SPOCK1: variants seen among roughly 807,000 people sequenced by gnomAD.
SPOCK1 encodes SPARC (osteonectin), cwcv and kazal like domains proteoglycan 1, also known as testican-1.
In SPOCK1, 23 loss-of-function variants were observed where a neutral mutation model predicts 55.3. The observed-to-expected ratio is 0.42, with a 90% CI of 0.30 to 0.59. The LOEUF (loss-of-function observed/expected upper bound fraction) is 0.59, where lower values mean the gene tolerates loss of function less well. Ranked by LOEUF, SPOCK1 falls within the 20% of genes least tolerant of loss-of-function variation. SPOCK1 has a pLI of 0.22. For synonymous variants in SPOCK1, 226 were observed against 221.0 expected (o/e 1.02, Z -0.20); for missense variants, 499 against 552.5 (o/e 0.90, Z 0.97).
chr5:137,222,932 C>T (rs1325598500), intron 3 of SPOCK1, among the ~76,000 whole-genome samples: 1 of 151,676 alleles, frequency 6.6e-6, no homozygotes, highest in Admixed American at 6.6e-5. Context: ...ATATTGGTGG[C>T]TTTAAATTTC....
chr5:137,107,816 C>T (rs371852831), intron 5 of SPOCK1, among the ~76,000 whole-genome samples: 10 of 152,262 alleles, frequency 6.6e-5, no homozygotes, highest in Middle Eastern at 3.4e-3. Flanking sequence ...CTTCCAGCTG[C>T]CCCGGTGATG....
intron 2 of SPOCK1, among the ~76,000 whole-genome samples, chr5:137,389,199 G>A (rs1751660542): frequency 6.6e-6 from 1 of 152,154 alleles, no homozygotes. Context: ...CACAAGCTCT[G>A]GTGTTGCACA....
intron 2 of SPOCK1, among the ~76,000 whole-genome samples, chr5:137,284,656 T>C (rs2127127189): frequency 6.6e-6 from 1 of 152,256 alleles, no homozygotes; most frequent in Admixed American, 6.5e-5. Flanking sequence ...AAAATACATG[T>C]TTAATTACAA....
At chr5:137,129,946 AG>A (rs34195570) in intron 4 of SPOCK1, among the ~76,000 whole-genome samples, 7 of 152,168 alleles carry the variant, frequency 4.6e-5, no homozygotes, top group African/African-American at 7.2e-5. Context: ...TCCCTGAGCA[AG>A]GAAAGGGATC....
chr5:137,176,517 TG>T (rs1754854895), intron 3 of SPOCK1, among the ~76,000 whole-genome samples: 2 of 152,010 alleles, frequency 1.3e-5, no homozygotes, highest in African/African-American at 4.8e-5. Flanking sequence ...TGTGTGTGTG[TG>T]TGTGTGTGTG....
intron 3 of SPOCK1, among the ~76,000 whole-genome samples, chr5:137,163,356 G>A (rs1233454137): frequency 1.3e-5 from 2 of 152,144 alleles, no homozygotes; most frequent in African/African-American, 4.8e-5. Context: ...AGAAGTCTAA[G>A]ATACATCTGG....
chr5:137,315,364 C>T (rs975241991), intron 2 of SPOCK1, among the ~76,000 whole-genome samples: 10 of 152,272 alleles, frequency 6.6e-5, no homozygotes, highest in Middle Eastern at 3.4e-3. Context: ...CTCTGAACCA[C>T]GTATGGCGAT....
intron 4 of SPOCK1, among the ~76,000 whole-genome samples, chr5:137,116,537 T>G (rs934319271): frequency 6.6e-6 from 1 of 151,986 alleles, no homozygotes; most frequent in African/African-American, 2.4e-5. Context: ...TCCCAGCTAC[T>G]TGGGAGGCTG....
intron 7 of SPOCK1, among the ~76,000 whole-genome samples, chr5:136,989,356 G>A (rs891986118): frequency 4.6e-5 from 7 of 152,124 alleles, no homozygotes; most frequent in Non-Finnish European, 7.4e-5. Context: ...CTCAACACTC[G>A]GGATATTGAG....
chr5:137,102,130 T>C (rs1415295388), intron 5 of SPOCK1, among the ~76,000 whole-genome samples: 1 of 152,138 alleles, frequency 6.6e-6, no homozygotes, highest in Non-Finnish European at 1.5e-5. Context: ...GTATAAACTC[T>C]TTTCCTCCCA....
intron 3 of SPOCK1, among the ~76,000 whole-genome samples, chr5:137,168,535 T>C (rs564008418): frequency 4.6e-5 from 7 of 152,062 alleles, no homozygotes; most frequent in South Asian, 2.1e-4. Flanking sequence ...GATTGAAAAA[T>C]AGGCAAAAGA....
intron 6 of SPOCK1, among the ~76,000 whole-genome samples, chr5:137,036,055 G>A (rs944417958): frequency 1.3e-5 from 2 of 152,174 alleles, no homozygotes; most frequent in African/African-American, 4.8e-5. Context: ...AGGCAGGAGA[G>A]AGCTGGGCTT....
Position 137,202,461 on chromosome 5 carries a change from T to C in SPOCK1, c.233-61767A>G, listed in dbSNP as rs189647120. Among the ~76,000 whole-genome samples the C allele has an allele frequency of 3.3e-5, 5 of 152,314 alleles. 1 individual carries two copies. Among genetic ancestry groups the C allele is most frequent in the African/African-American group, 1.2e-4 (5 of 41,570 alleles). ...AGGACAAGCTGGTATTCCACTCCAT[T>C]TGAGACCTGGTTTTATCCATCCTGA... On this transcript the variant is annotated intron_variant, in intron 3 of 10. Coordinates refer to ENST00000394945, the MANE Select transcript of SPOCK1 (RefSeq NM_004598.4).
intron 2 of SPOCK1, among the ~76,000 whole-genome samples, chr5:137,391,363 T>A (rs1239942673): frequency 6.6e-6 from 1 of 152,078 alleles, no homozygotes; most frequent in African/African-American, 2.4e-5. Flanking sequence ...TAAGTATACG[T>A]GTGCTGGTGA....
intron 3 of SPOCK1, among the ~76,000 whole-genome samples, chr5:137,169,968 T>C (rs1031833115): frequency 1.3e-5 from 2 of 152,198 alleles, no homozygotes; most frequent in Non-Finnish European, 2.9e-5. Context: ...CTCAAAATTT[T>C]ACAGGGAAAA....
intron 4 of SPOCK1, among the ~76,000 whole-genome samples, chr5:137,116,792 C>T (rs1753592234): frequency 6.6e-6 from 1 of 152,122 alleles, no homozygotes; most frequent in South Asian, 2.1e-4. Context: ...TGACCACGAC[C>T]AACATCAATT....
intron 6 of SPOCK1, among the ~76,000 whole-genome samples, chr5:137,018,150 ATGT>A (rs938802236): frequency 1.6e-4 from 25 of 152,204 alleles, no homozygotes; most frequent in African/African-American, 6.0e-4. Context: ...GAGGCCAGGG[ATGT>A]TGTTAACATC....
intron 3 of SPOCK1, among the ~76,000 whole-genome samples, chr5:137,178,110 T>C (rs992212434): frequency 6.6e-6 from 1 of 152,212 alleles, no homozygotes; most frequent in Non-Finnish European, 1.5e-5. Flanking sequence ...TCCAGATCAA[T>C]GCAAGTGACA....
chr5:137,223,350 T>TTAC (rs1755891951), intron 3 of SPOCK1, among the ~76,000 whole-genome samples: 3 of 150,220 alleles, frequency 2.0e-5, no homozygotes, highest in Admixed American at 1.3e-4. Context: ...AAACAACAGG[T>TTAC]GTAGCTATGG....
Sources: gnomAD v4.1 joint callset for allele counts (sites outside exome capture counted in the v4.1 genomes callset) on GRCh38, gnomAD v4.1.1 for gene constraint, MANE v1.5 for transcripts, NCBI Gene and HGNC (gene_info 2026-07-23, HGNC 2026-07-21) for gene names.